The following UBXN10 variants were observed in gnomAD, a reference collection of about 807,000 sequenced individuals.
The protein encoded by UBXN10 is UBX domain-containing protein 10.
In UBXN10, 6 loss-of-function variants were observed where a neutral mutation model predicts 6.9. The ratio of observed to expected loss-of-function variants is 0.87; its 90% CI spans 0.48 to 1.72. The LOEUF (loss-of-function observed/expected upper bound fraction) is 1.72, where lower values mean the gene tolerates loss of function less well. Ranked by LOEUF, UBXN10 falls within the 40% of genes most tolerant of loss-of-function variation. The pLI is 0.01. For missense variants in UBXN10, 317 were observed against 348.4 expected, an observed-to-expected ratio of 0.91 and a Z score of 0.72; for synonymous variants, 131 against 135.2, an observed-to-expected ratio of 0.97 and a Z score of 0.21.
In UBXN10 at chr1:20,191,214, C is replaced by G. The variant is rs1409189557; in HGVS notation, c.653C>G (p.Thr218Arg). 1 of 1,614,212 alleles carries G rather than the reference C, an allele frequency of 6.2e-7. No individual in the cohort carries two copies. The highest frequency in any genetic ancestry group is 8.5e-7 in the Non-Finnish European group (1 of 1,180,048). The change falls in exon 2 of 2, where the codon ACA becomes AGA. Residue 218 changes from threonine (T) to arginine (R), a missense_variant. Transcript: ENST00000375099. The surrounding 1 kb of genome is among the most constrained non-coding windows in gnomAD (Gnocchi z 4.5). ...GQRFVRHFRP[T>R]DDLQTIVAVA... ...AGGTTTGTACGCCATTTCCGGCCAA[C>G]AGATGATTTGCAAACCATTGTTGCT...
At position 20,191,228 on chromosome 1, in the gene UBXN10, A is replaced by C; in HGVS notation, c.667A>C (p.Thr223Pro). ...RHFRPTDDLQTIVAVAEQKNK... is the reference protein window; with the variant it reads ...RHFRPTDDLQPIVAVAEQKNK... ...TTTCCGGCCAACAGATGATTTGCAA[A>C]CCATTGTTGCTGTGGCCGAACAGAA... Residue 223 changes from threonine to proline, a missense_variant, in exon 2 of 2, where the codon ACC becomes CCC. By Grantham distance (38) the Thr-to-Pro change is conservative. Transcript: ENST00000375099. This position sits in a 1 kb window ranked among gnomAD's most constrained non-coding sequence, Gnocchi z 4.5. 1 of 1,614,150 alleles carries C rather than the reference A, an allele frequency of 6.2e-7. No individual in the cohort carries two copies. Among genetic ancestry groups the C allele is most frequent in the Non-Finnish European group, 8.5e-7 (1 of 1,180,040 alleles).
Position 20,191,269 on chromosome 1 carries a change from C to T in UBXN10, c.708C>T (p.Tyr236=). 1 of 1,614,202 alleles carries T rather than the reference C, an allele frequency of 6.2e-7. No homozygotes were observed. The highest frequency in any genetic ancestry group is 8.5e-7 in the Non-Finnish European group (1 of 1,180,034). ...AVAEQKNKTS[Y]RHCSIETMEV... ...CCGAACAGAAAAACAAAACCTCCTA[C>T]CGACACTGCAGCATTGAAACAATGG... Residue 236 remains tyrosine, a synonymous_variant, in exon 2 of 2, where the codon TAC becomes TAT. Coordinates refer to ENST00000375099, the MANE Select transcript of UBXN10 (RefSeq NM_152376.5). The surrounding 1 kb of genome is among the most constrained non-coding windows in gnomAD (Gnocchi z 4.5).
At position 20,191,778 on chromosome 1, in the gene UBXN10, T is replaced by G; in HGVS notation, c.*374T>G. 1 of 219,816 alleles carries G rather than the reference T, an allele frequency of 4.5e-6. No homozygotes were observed. The highest frequency in any genetic ancestry group is 5.2e-5 in the Admixed American group (1 of 19,222). 13.6% of individuals were successfully genotyped at this position (219,816 alleles called of 1,614,324 possible). On this transcript the variant is annotated 3_prime_UTR_variant, in exon 2 of 2. Coordinates refer to ENST00000375099, the MANE Select transcript of UBXN10 (RefSeq NM_152376.5). This position sits in a 1 kb window ranked among gnomAD's most constrained non-coding sequence, Gnocchi z 4.5. Reference sequence around the variant, plus strand: ...TGTGATTCTCTCGAAGCCAATGCTTTCCTGTCTGTATTTGATGCAGGATTA... The same window carrying G: ...TGTGATTCTCTCGAAGCCAATGCTTGCCTGTCTGTATTTGATGCAGGATTA...
rs1477018803 is a variant in UBXN10 at position 20,191,107 on chromosome 1, C to G, written c.546C>G (p.Gly182=). Residue 182 remains glycine, a synonymous_variant, in exon 2 of 2, where the codon GGC becomes GGG. Coordinates refer to ENST00000375099, the MANE Select transcript of UBXN10 (RefSeq NM_152376.5). This position sits in a 1 kb window ranked among gnomAD's most constrained non-coding sequence, Gnocchi z 4.5. ...RKFIVRTKKQ[G]SSRAGNLEEP... ...TCATCGTCCGAACCAAGAAACAGGG[C>G]TCTTCCAGGGCTGGAAATCTGGAGG... The G allele has an allele frequency of 6.2e-7, 1 of 1,614,164 alleles. No homozygotes were observed. The highest frequency in any genetic ancestry group is 8.5e-7 in the Non-Finnish European group (1 of 1,180,034).
chr1:20,185,776 A>G (rs1413677099), upstream of UBXN10, among the ~76,000 whole-genome samples: 2 of 152,108 alleles, frequency 1.3e-5, no homozygotes, highest in Admixed American at 1.3e-4. Context: ...TGAGAAACGG[A>G]TTTTGAGACT....
upstream of UBXN10, among the ~76,000 whole-genome samples, chr1:20,185,510 A>G (rs1569943632): frequency 6.6e-6 from 1 of 152,138 alleles, no homozygotes; most frequent in South Asian, 2.1e-4. Context: ...AGTGGAAGAG[A>G]TTGTGGCTGG....
rs2018545640 is a variant in UBXN10 at position 20,193,476 on chromosome 1, A to T, written c.*2072A>T. 1 of 166,974 alleles carries T rather than the reference A, an allele frequency of 6.0e-6. No homozygotes were observed. Among genetic ancestry groups the T allele is most frequent in the African/African-American group, 2.4e-5 (1 of 41,410 alleles). 10.3% of individuals were successfully genotyped at this position (166,974 alleles called of 1,614,324 possible). A position where few individuals can be genotyped will look rare whatever the true frequency, so the allele number is the denominator to read the frequency against. On this transcript the variant is annotated 3_prime_UTR_variant, in exon 2 of 2. Coordinates refer to ENST00000375099, the MANE Select transcript of UBXN10 (RefSeq NM_152376.5). Reference sequence around the variant, plus strand: ...CATAATAAACATTTTTTTTTTGGACAAAAGATGATACGATAAAAACCAACT... The same window carrying T: ...CATAATAAACATTTTTTTTTTGGACTAAAGATGATACGATAAAAACCAACT...
Position 20,194,713 on chromosome 1 carries a change from T to C in UBXN10, c.*3309T>C, listed in dbSNP as rs1468006039. 6.0e-6 allele frequency: 1 copy of C among 167,118 alleles called. No homozygotes were observed. Among genetic ancestry groups the C allele is most frequent in the African/African-American group, 2.4e-5 (1 of 41,480 alleles). 10.4% of individuals were successfully genotyped at this position (167,118 alleles called of 1,614,324 possible). A position where few individuals can be genotyped will look rare whatever the true frequency, so the allele number is the denominator to read the frequency against. ...CCTCTTGGGACAAAGATGTTTCTCT[T>C]TACTTAGTTTTAAAAATAAAATCCT... is the stretch of plus-strand genomic sequence containing the variant. On this transcript the variant is annotated 3_prime_UTR_variant, in exon 2 of 2. Transcript: ENST00000375099.
At chr1:20,183,650 T>C (rs1376391292), upstream of UBXN10, among the ~76,000 whole-genome samples, 1 of 151,834 alleles carries the variant, frequency 6.6e-6, no homozygotes, top group Non-Finnish European at 1.5e-5. Flanking sequence ...TGAGCTTTTG[T>C]GGGGAGGCTG....
chr1:20,194,967 C>T lies in UBXN10; in HGVS notation c.*3563C>T, dbSNP rs1413819167. 6.0e-6 allele frequency: 1 copy of T among 167,110 alleles called. No homozygotes were observed. The highest frequency in any genetic ancestry group is 1.9e-4 in the East Asian group (1 of 5,196). 10.4% of individuals were successfully genotyped at this position (167,110 alleles called of 1,614,324 possible). On this transcript the variant is annotated 3_prime_UTR_variant, in exon 2 of 2. Coordinates refer to ENST00000375099, the MANE Select transcript of UBXN10 (RefSeq NM_152376.5). ...CTCTCATCCAGAAACCAGAACCAAC[C>T]AAACCCCACCATATAACAGGGAAGG...
Position 20,193,348 on chromosome 1 carries a change from C to G in UBXN10, c.*1944C>G, listed in dbSNP as rs2018542877. The G allele has an allele frequency of 6.0e-6, 1 of 167,060 alleles. No individual in the cohort carries two copies. The highest frequency in any genetic ancestry group is 1.5e-5 in the Non-Finnish European group (1 of 68,130). The allele number at this position is 167,060 out of a possible 1,614,324, so 10.3% of individuals were successfully genotyped here. ...CTTCTGTGCTTAGGGTTTGCTGCTG[C>G]TGGTGAGCTTAGAATTTTGGGGTTG... On this transcript the variant is annotated 3_prime_UTR_variant, in exon 2 of 2. Coordinates refer to ENST00000375099, the MANE Select transcript of UBXN10 (RefSeq NM_152376.5).
Position 20,191,350 on chromosome 1 carries a change from C to G in UBXN10, c.789C>G (p.Ile263Met). The change falls in exon 2 of 2, where the codon ATC becomes ATG. Residue 263 changes from isoleucine (I) to methionine (M), a missense_variant. Physicochemically the swap from Ile to Met is conservative, Grantham distance 10. Transcript: ENST00000375099. This position sits in a 1 kb window ranked among gnomAD's most constrained non-coding sequence, Gnocchi z 4.5. ...CCAAATCTCTGCAAGAGTGCAGAAT[C>G]CCCCACAAGTCTGTGCTGGGCATCT... ...DLTKSLQECR[I>M]PHKSVLGISL... 1.2e-6 allele frequency: 2 copies of G among 1,614,134 alleles called. No homozygotes were observed. The highest frequency in any genetic ancestry group is 1.7e-6 in the Non-Finnish European group (2 of 1,179,984).
In UBXN10 at chr1:20,195,197, T is replaced by G. The variant is rs2018579287; in HGVS notation, c.*3793T>G. 2 of 167,148 alleles carry G rather than the reference T, an allele frequency of 1.2e-5. No homozygotes were observed. The highest frequency in any genetic ancestry group is 2.1e-4 in the South Asian group (1 of 4,834). The allele number at this position is 167,148 out of a possible 1,614,324, so 10.4% of individuals were successfully genotyped here. ...TGTGTGCCTTTATGTTCAAACAGTTTAGGAAGCAGCAGCCCTCCTAACAGT... is the reference window on the plus strand; with the variant it reads ...TGTGTGCCTTTATGTTCAAACAGTTGAGGAAGCAGCAGCCCTCCTAACAGT... On this transcript the variant is annotated 3_prime_UTR_variant, in exon 2 of 2. Transcript: ENST00000375099.
upstream of UBXN10, among the ~76,000 whole-genome samples, chr1:20,185,361 C>G (rs1174339592): frequency 6.6e-6 from 1 of 152,040 alleles, no homozygotes. Context: ...CAGGGAGGAT[C>G]CTTTTGAGAA....
chr1:20,184,801 T>G (rs1569942677), upstream of UBXN10, among the ~76,000 whole-genome samples: 1 of 148,464 alleles, frequency 6.7e-6, no homozygotes, highest in Non-Finnish European at 1.5e-5. Context: ...GGGAGGGAGG[T>G]GGGAGAGGGA....
In UBXN10 at chr1:20,187,802, C is replaced by T. The variant is rs144939966; in HGVS notation, c.-16+1649C>T. ...CCAAAAGGTATAGAAAGTGCATGCACATACTCAAGTTTTACTGTTAAAAAT... is the reference window on the plus strand; with the variant it reads ...CCAAAAGGTATAGAAAGTGCATGCATATACTCAAGTTTTACTGTTAAAAAT... On this transcript the variant is annotated intron_variant, in intron 1 of 1. Coordinates refer to ENST00000375099, the MANE Select transcript of UBXN10 (RefSeq NM_152376.5). This position sits in a 1 kb window ranked among gnomAD's most constrained non-coding sequence, Gnocchi z 4.6. Among the ~76,000 whole-genome samples the T allele has an allele frequency of 3.6e-3, 554 of 152,270 alleles. 1 individual carries two copies. The highest frequency in any genetic ancestry group is 0.012 in the African/African-American group (509 of 41,530).
In UBXN10 at chr1:20,191,340, A is replaced by G. The variant is rs761026212; in HGVS notation, c.779A>G (p.Glu260Gly). 1 of 1,614,222 alleles carries G rather than the reference A, an allele frequency of 6.2e-7. No individual in the cohort carries two copies. The highest frequency in any genetic ancestry group is 1.3e-5 in the African/African-American group (1 of 75,068). Reference protein sequence around the residue: ...RFSDLTKSLQECRIPHKSVLG... With the variant: ...RFSDLTKSLQGCRIPHKSVLG... ...TCTGACCTCACCAAATCTCTGCAAG[A>G]GTGCAGAATCCCCCACAAGTCTGTG... The change falls in exon 2 of 2, where the codon GAG becomes GGG. Residue 260 changes from glutamate to glycine, a missense_variant. Coordinates refer to ENST00000375099, the MANE Select transcript of UBXN10 (RefSeq NM_152376.5). This position sits in a 1 kb window ranked among gnomAD's most constrained non-coding sequence, Gnocchi z 4.5.
chr1:20,185,275 A>G (rs945159808), upstream of UBXN10, among the ~76,000 whole-genome samples: 3 of 152,116 alleles, frequency 2.0e-5, no homozygotes, highest in African/African-American at 7.2e-5. Flanking sequence ...GCTGGCCAAG[A>G]CTTCTTCAAT....
rs77365331 is a variant in UBXN10 at position 20,191,341 on chromosome 1, G to A, written c.780G>A (p.Glu260=). Residue 260 remains glutamate, a synonymous_variant, in exon 2 of 2, where the codon GAG becomes GAA. Coordinates refer to ENST00000375099, the MANE Select transcript of UBXN10 (RefSeq NM_152376.5). This position sits in a 1 kb window ranked among gnomAD's most constrained non-coding sequence, Gnocchi z 4.5. The stretch of plus-strand genomic sequence containing the variant: ...CTGACCTCACCAAATCTCTGCAAGA[G>A]TGCAGAATCCCCCACAAGTCTGTGC... ...RFSDLTKSLQ[E]CRIPHKSVLG... is the part of the protein sequence containing the mutation. 6.4e-4 allele frequency: 1,038 copies of A among 1,614,212 alleles called. 7 individuals carry two copies. The African/African-American group carries it at 0.012, about 19-fold the overall frequency.
Sources: gnomAD v4.1 joint callset for allele counts (sites outside exome capture counted in the v4.1 genomes callset) on GRCh38, gnomAD v4.1.1 for gene constraint, Gnocchi (gnomAD v3.1) non-coding constraint, MANE v1.5 for transcripts, NCBI Gene and HGNC (gene_info 2026-07-23, HGNC 2026-07-21) for gene names.